Variants in SEMA5A observed in about 807,000 individuals in gnomAD.
The protein encoded by SEMA5A is semaphorin 5A, also known as semaphorin-5A.
Under a neutral mutation model 135.5 loss-of-function variants are expected in SEMA5A, and 55 were observed. That is an observed-to-expected ratio of 0.41 (90% CI 0.33 to 0.51). SEMA5A has a LOEUF of 0.51. Among genes scored for constraint, SEMA5A ranks in the 20% least tolerant of loss-of-function variants. The pLI is 0.37. For synonymous variants in SEMA5A, 580 were observed against 546.5 expected (o/e 1.06, Z -0.85); for missense variants, 1,290 against 1,419.9 (o/e 0.91, Z 1.47).
intron 16 of SEMA5A, among the ~76,000 whole-genome samples, chr5:9,088,313 A>G (rs1738821326): frequency 1.3e-5 from 2 of 150,928 alleles, no homozygotes; most frequent in Non-Finnish European, 2.9e-5. Context: ...AAAAAAAAAA[A>G]AAAAAGAAAA....
intron 15 of SEMA5A, among the ~76,000 whole-genome samples, chr5:9,109,548 G>C (rs1440416698): frequency 6.6e-6 from 1 of 152,168 alleles, no homozygotes; most frequent in Non-Finnish European, 1.5e-5. Flanking sequence ...ACCTTCTAGA[G>C]AATACTAGAA....
chr5:9,076,868 T>TTG (rs70943938), intron 16 of SEMA5A, among the ~76,000 whole-genome samples: 14,499 of 143,954 alleles, frequency 0.1, 797 homozygotes, highest in Middle Eastern at 0.16. Flanking sequence ...ATTACGATCT[T>TTG]TGTGTGTGTG....
At position 9,216,944 on chromosome 5, in the gene SEMA5A, C is replaced by G. The variant is rs1377132577; in HGVS notation, c.646+7730G>C. ...TTGCCTCTTTCTCCACCTTGCCACT[C>G]TGTGCCCTTTAAGGGGAGCATTTAG... On this transcript the variant is annotated intron_variant, in intron 8 of 22. Transcript: ENST00000382496. Among the ~76,000 whole-genome samples the G allele has an allele frequency of 2.6e-5, 4 of 152,272 alleles. No homozygotes were observed. The East Asian group carries it at 5.8e-4, about 22-fold the overall frequency.
intron 2 of SEMA5A, among the ~76,000 whole-genome samples, chr5:9,419,977 C>A (rs1757409696): frequency 6.6e-6 from 1 of 152,180 alleles, no homozygotes; most frequent in African/African-American, 2.4e-5. Context: ...AGCCAAACCA[C>A]TGGTTTCAGG....
At chr5:9,344,937 T>C (rs1753798857) in intron 3 of SEMA5A, among the ~76,000 whole-genome samples, 1 of 152,160 alleles carries the variant, frequency 6.6e-6, no homozygotes, top group South Asian at 2.1e-4. Context: ...CCCAAGGCTA[T>C]GCATGTGCAG....
intron 1 of SEMA5A, among the ~76,000 whole-genome samples, chr5:9,467,313 C>A (rs1759298666): frequency 6.6e-6 from 1 of 152,048 alleles, no homozygotes; most frequent in Non-Finnish European, 1.5e-5. Flanking sequence ...GGGGTTTCAC[C>A]ATCTTGGCCA....
intron 1 of SEMA5A, among the ~76,000 whole-genome samples, chr5:9,514,009 T>G: frequency 6.6e-6 from 1 of 152,136 alleles, no homozygotes; most frequent in East Asian, 1.9e-4. Flanking sequence ...TGGGACAAAA[T>G]CAAGACCTCA....
rs1330963651 is a variant in SEMA5A at position 9,119,030 on chromosome 5, G to C, written c.1893C>G (p.Gly631=). The C allele has an allele frequency of 8.1e-6, 13 of 1,613,444 alleles. No individual in the cohort carries two copies. Among genetic ancestry groups the C allele is most frequent in the Non-Finnish European group, 1.1e-5 (13 of 1,179,916 alleles). ...CGCGGTTCTGTCCCACGCACACCCGGCCCCCGTGCCTGGGAGTGGGGTTGC... is the reference window on the plus strand; with the variant it reads ...CGCGGTTCTGTCCCACGCACACCCGCCCCCCGTGCCTGGGAGTGGGGTTGC... The part of the protein sequence containing the change: ...SCSNPTPRHG[G]RVCVGQNREE... The change falls in exon 15 of 23, where the codon GGC becomes GGG. Residue 631 remains glycine (G), a synonymous_variant. Coordinates refer to ENST00000382496, the MANE Select transcript of SEMA5A (RefSeq NM_003966.3).
intron 5 of SEMA5A, among the ~76,000 whole-genome samples, chr5:9,314,808 C>G (rs1752320558): frequency 6.6e-6 from 1 of 152,098 alleles, no homozygotes; most frequent in Non-Finnish European, 1.5e-5. Context: ...CAGAATTGCC[C>G]TGCTTTGCAC....
intron 2 of SEMA5A, among the ~76,000 whole-genome samples, chr5:9,399,833 C>A (rs1338446550): frequency 6.6e-6 from 1 of 151,736 alleles, no homozygotes; most frequent in Non-Finnish European, 1.5e-5. Flanking sequence ...ATGGGAGTCA[C>A]AAAAGTAAAG....
At chr5:9,320,252 C>T (rs529593843) in intron 4 of SEMA5A, among the ~76,000 whole-genome samples, 2 of 152,334 alleles carry the variant, frequency 1.3e-5, no homozygotes, top group African/African-American at 4.8e-5. Flanking sequence ...CTGCTTGGCA[C>T]ATGCCACCTC....
At chr5:9,453,978 C>A (rs1424367426) in intron 1 of SEMA5A, among the ~76,000 whole-genome samples, 1 of 152,220 alleles carries the variant, frequency 6.6e-6, no homozygotes, top group South Asian at 2.1e-4. Context: ...TACCTACTCA[C>A]TCCTGAAAGC....
intron 2 of SEMA5A, among the ~76,000 whole-genome samples, chr5:9,382,012 G>A (rs1282605726): frequency 2.1e-5 from 3 of 144,946 alleles, no homozygotes; most frequent in African/African-American, 7.6e-5. Flanking sequence ...TTTCAGACAC[G>A]TGGCCAGGCA....
chr5:9,286,391 A>AT (rs201054208), intron 5 of SEMA5A, among the ~76,000 whole-genome samples: 1,728 of 152,044 alleles, frequency 0.011, 32 homozygotes, highest in African/African-American at 0.039. Flanking sequence ...CCTACCATTG[A>AT]TTTTTTCCCC....
intron 3 of SEMA5A, among the ~76,000 whole-genome samples, chr5:9,340,234 C>T (rs759276847): frequency 2.5e-4 from 38 of 152,282 alleles, no homozygotes; most frequent in South Asian, 1.0e-3. Flanking sequence ...CCAGGGAGCA[C>T]TGCCAGGACC....
intron 5 of SEMA5A, among the ~76,000 whole-genome samples, chr5:9,246,034 A>C (rs1285257262): frequency 9.9e-5 from 15 of 152,172 alleles, no homozygotes; most frequent in Admixed American, 9.8e-4. Context: ...AATATCTGGT[A>C]TAAAATTTAA....
At chr5:9,044,303 G>C in intron 22 of SEMA5A, 70 bp downstream of exon 22, 1 of 1,272,392 alleles carries the variant, frequency 7.9e-7, no homozygotes. Context: ...GCAGAGAAAG[G>C]GCATCAAAAT....
At chr5:9,053,101 G>A (rs1442457388) in intron 19 of SEMA5A, among the ~76,000 whole-genome samples, 3 of 152,202 alleles carry the variant, frequency 2.0e-5, no homozygotes, top group Non-Finnish European at 4.4e-5. Context: ...AAAAAATTGT[G>A]TGTTTCAATG....
At chr5:9,171,494 T>TA (rs1405363310) in intron 11 of SEMA5A, among the ~76,000 whole-genome samples, 6 of 152,148 alleles carry the variant, frequency 3.9e-5, no homozygotes, top group Non-Finnish European at 5.9e-5. Context: ...AGCTGAAAGA[T>TA]TCAGTCACTA....
Sources: allele counts gnomAD v4.1 joint callset (sites outside exome capture counted in the v4.1 genomes callset), GRCh38; gene constraint gnomAD v4.1.1; transcripts MANE v1.5; gene names NCBI Gene and HGNC (gene_info 2026-07-23, HGNC 2026-07-21).